Variants in FNBP1 observed in about 807,000 individuals in gnomAD.
FNBP1 encodes the protein formin binding protein 1.
FNBP1 carries 26 observed loss-of-function variants against 90.6 expected under a neutral mutation model. The observed-to-expected ratio is 0.29, with a 90% confidence interval of 0.21 to 0.40. The LOEUF (loss-of-function observed/expected upper bound fraction) is 0.40. FNBP1 is among the 10% of genes least tolerant of loss of function. The probability of loss-of-function intolerance (pLI) is 1.00; values close to 1 mark genes in which losing one functional copy is unlikely to be tolerated. For synonymous variants in FNBP1, 260 were observed against 265.2 expected, an observed-to-expected ratio of 0.98 and a Z score of 0.19; for missense variants, 635 against 768.0, an observed-to-expected ratio of 0.83 and a Z score of 2.05.
chr9:129,998,928 C>T (rs776636135), intron 1 of FNBP1, among the ~76,000 whole-genome samples: 1 of 152,112 alleles, frequency 6.6e-6, no homozygotes, highest in Non-Finnish European at 1.5e-5. Context: ...ATAATAAAAA[C>T]CTTACTCAGT....
chr9:129,899,026 C>T (rs565086847), intron 15 of FNBP1, among the ~76,000 whole-genome samples: 3 of 151,848 alleles, frequency 2.0e-5, no homozygotes, highest in East Asian at 1.9e-4. Flanking sequence ...AATAATCATA[C>T]CATGAGTAGG....
In FNBP1 at chr9:130,042,344, C is replaced by T. The variant is rs2059901719; in HGVS notation, c.24+608G>A. Among the ~76,000 whole-genome samples the T allele has an allele frequency of 6.6e-6, 1 of 152,178 alleles. No homozygotes were observed. The highest frequency in any genetic ancestry group is 2.4e-5 in the African/African-American group (1 of 41,444). ...GACGTCGCAGTGCCCACATCCCACT[C>T]AGGATTGAGCTACCCCGAAAGAACA... On this transcript the variant is annotated intron_variant, in intron 1 of 16. Transcript: ENST00000446176. This position sits in a 1 kb window ranked among gnomAD's most constrained non-coding sequence, Gnocchi z 5.5.
At chr9:129,976,227 C>T (rs2130839571) in intron 4 of FNBP1, among the ~76,000 whole-genome samples, 1 of 152,224 alleles carries the variant, frequency 6.6e-6, no homozygotes, top group East Asian at 1.9e-4. Context: ...GGTCATTCTT[C>T]GTTGGGGAGC....
chr9:129,970,497 C>T (rs965606822), intron 4 of FNBP1, among the ~76,000 whole-genome samples: 1 of 152,180 alleles, frequency 6.6e-6, no homozygotes, highest in South Asian at 2.1e-4. Flanking sequence ...TAAGACACTG[C>T]GCCCAGCCAA....
chr9:129,904,933 T>G (rs943894501), intron 12 of FNBP1, among the ~76,000 whole-genome samples: 2 of 152,196 alleles, frequency 1.3e-5, no homozygotes, highest in Non-Finnish European at 2.9e-5. Flanking sequence ...AAATAAACAT[T>G]TAAAAATCAT....
At chr9:129,948,389 G>A (rs1487530548) in intron 6 of FNBP1, among the ~76,000 whole-genome samples, 1 of 48,734 alleles carries the variant, frequency 2.1e-5, no homozygotes, top group African/African-American at 9.1e-5. Context: ...TTTTGAGATG[G>A]ACTTTTGCTC....
At chr9:129,989,541 G>A (rs1376753977) in intron 2 of FNBP1, among the ~76,000 whole-genome samples, 3 of 152,042 alleles carry the variant, frequency 2.0e-5, no homozygotes, top group African/African-American at 7.2e-5. Context: ...ACACATTAGT[G>A]AGCACAACCC....
intron 10 of FNBP1, among the ~76,000 whole-genome samples, chr9:129,923,405 G>A (rs529292811): frequency 6.6e-6 from 1 of 151,904 alleles, no homozygotes; most frequent in East Asian, 1.9e-4. Context: ...ATGATGAAAT[G>A]CTGTCTCTAC....
chr9:129,950,315 T>C (rs1008458078), intron 6 of FNBP1, among the ~76,000 whole-genome samples: 1 of 152,186 alleles, frequency 6.6e-6, no homozygotes, highest in African/African-American at 2.4e-5. Flanking sequence ...ATGCCAAAAT[T>C]GGGTAATTCA....
At chr9:129,997,180 C>T (rs1271120218) in intron 1 of FNBP1, among the ~76,000 whole-genome samples, 3 of 151,836 alleles carry the variant, frequency 2.0e-5, no homozygotes, top group African/African-American at 7.2e-5. Context: ...CAAAAGTAGC[C>T]GGGCGTCATG....
At chr9:129,892,549 C>G (rs1356405902) in intron 16 of FNBP1, among the ~76,000 whole-genome samples, 1 of 152,142 alleles carries the variant, frequency 6.6e-6, no homozygotes, top group African/African-American at 2.4e-5. Flanking sequence ...GAGTTATAAA[C>G]AGAGTAGGCA....
intron 12 of FNBP1, among the ~76,000 whole-genome samples, chr9:129,905,237 T>C (rs1411911523): frequency 2.0e-5 from 3 of 150,996 alleles, no homozygotes; most frequent in Admixed American, 2.0e-4. Context: ...ATCAACTTTA[T>C]TGATCTTTTT....
intron 1 of FNBP1, among the ~76,000 whole-genome samples, chr9:130,019,955 AG>A (rs1206520127): frequency 6.6e-6 from 1 of 152,166 alleles, no homozygotes; most frequent in African/African-American, 2.4e-5. Context: ...AGAACTTGAG[AG>A]TGGCTGCCAT....
At chr9:130,046,899 T>C (rs2132509527), upstream of FNBP1, among the ~76,000 whole-genome samples, 1 of 152,018 alleles carries the variant, frequency 6.6e-6, no homozygotes, top group South Asian at 2.1e-4. Context: ...TAAACATGTT[T>C]CCCTAGGTTC....
At chr9:130,029,196 C>T (rs2058600426) in intron 1 of FNBP1, among the ~76,000 whole-genome samples, 1 of 151,912 alleles carries the variant, frequency 6.6e-6, no homozygotes, top group Non-Finnish European at 1.5e-5. Context: ...TGCTCTGTCG[C>T]CCAGCCTGGA....
intron 10 of FNBP1, among the ~76,000 whole-genome samples, chr9:129,918,627 G>A (rs757179994): frequency 2.0e-5 from 3 of 152,178 alleles, no homozygotes; most frequent in Admixed American, 6.5e-5. Context: ...GATCGCTCAC[G>A]CTTCCTTGAT....
chr9:130,000,541 G>C (rs992140663), intron 1 of FNBP1, among the ~76,000 whole-genome samples: 7 of 152,096 alleles, frequency 4.6e-5, no homozygotes, highest in African/African-American at 1.7e-4. Context: ...TTATATCATA[G>C]ATATATGCAG....
Position 129,890,644 on chromosome 9 carries a change from C to T in FNBP1, c.1847-98G>A. On this transcript the variant is annotated intron_variant, in intron 16 of 16. Coordinates refer to ENST00000446176, the MANE Select transcript of FNBP1 (RefSeq NM_015033.3). The surrounding 1 kb of genome is among the most constrained non-coding windows in gnomAD (Gnocchi z 5.8). ...TGCTCTTGGCTACAAACTGCACCGC[C>T]CTGGGAGGGGAGGGTAGTGGGAGGG... 1 of 785,294 alleles carries T rather than the reference C, an allele frequency of 1.3e-6. No individual in the cohort carries two copies. The highest frequency in any genetic ancestry group is 3.1e-5 in the East Asian group (1 of 32,712). The allele number at this position is 785,294 out of a possible 1,614,324, so 48.6% of individuals were successfully genotyped here. A position where few individuals can be genotyped will look rare whatever the true frequency, so the allele number is the denominator to read the frequency against.
chr9:130,002,617 G>A (rs928648506), intron 1 of FNBP1, among the ~76,000 whole-genome samples: 2 of 152,142 alleles, frequency 1.3e-5, no homozygotes, highest in African/African-American at 4.8e-5. Context: ...TCTGGATGCA[G>A]GTGCCTTATC....
Sources: allele counts gnomAD v4.1 joint callset (sites outside exome capture counted in the v4.1 genomes callset), GRCh38; gene constraint gnomAD v4.1.1; non-coding constraint Gnocchi (gnomAD v3.1); transcripts MANE v1.5; gene names NCBI Gene and HGNC (gene_info 2026-07-23, HGNC 2026-07-21).